The following BTAF1 variants were observed in gnomAD, a reference collection of about 807,000 sequenced individuals.
BTAF1 encodes the protein TATA-binding protein-associated factor 172.
BTAF1 carries 38 observed loss-of-function variants against 227.1 expected under a neutral mutation model. That is an observed-to-expected ratio of 0.17 (90% CI 0.13 to 0.22). The LOEUF (loss-of-function observed/expected upper bound fraction) is 0.22. Among genes scored for constraint, BTAF1 ranks in the 10% least tolerant of loss-of-function variants. The pLI, the probability that BTAF1 is intolerant of heterozygous loss-of-function variation, is 1.00. For synonymous variants in BTAF1, 742 were observed against 751.9 expected (o/e 0.99, Z 0.21); for missense variants, 1,598 against 2,204.0 (o/e 0.73, Z 5.51).
At chr10:91,989,626 A>C in intron 20 of BTAF1, 46 bp downstream of exon 20, 4 of 1,505,052 alleles carry the variant, frequency 2.7e-6, no homozygotes, top group Non-Finnish European at 3.6e-6. Context: ...AACCTTTTAA[A>C]TTTGTTTTTG....
chr10:91,937,746 A>G (rs1844733679), intron 2 of BTAF1, among the ~76,000 whole-genome samples: 1 of 152,156 alleles, frequency 6.6e-6, no homozygotes, highest in Non-Finnish European at 1.5e-5. Context: ...TGCTGCTATG[A>G]AAATTTGTGT....
intron 33 of BTAF1, 67 bp from the exon 34 acceptor site, chr10:92,018,716 A>G: frequency 1.5e-6 from 2 of 1,307,574 alleles, no homozygotes; most frequent in Non-Finnish European, 2.0e-6. Context: ...ATAGGGAAAG[A>G]TACAGAGATA....
At chr10:92,009,728 A>T (rs1850169305) in intron 28 of BTAF1, among the ~76,000 whole-genome samples, 1 of 152,194 alleles carries the variant, frequency 6.6e-6, no homozygotes, top group African/African-American at 2.4e-5. Context: ...CCACAGAAGT[A>T]CTTTTGTTCC....
At chr10:91,937,502 A>G (rs1268928599) in intron 2 of BTAF1, among the ~76,000 whole-genome samples, 1 of 152,104 alleles carries the variant, frequency 6.6e-6, no homozygotes, top group Non-Finnish European at 1.5e-5. Context: ...ACAACCACTA[A>G]ACTAACTTTA....
chr10:92,031,204 T>C lies in BTAF1; in HGVS notation c.*2271T>C, dbSNP rs887591390. On this transcript the variant is annotated 3_prime_UTR_variant, in exon 38 of 38. Transcript: ENST00000265990. ...TTATTAGTCTTATCATTTGGGTTTC[T>C]TGTAGGAAAATCTTAACATTTGGGG... 6.6e-6 allele frequency among the ~76,000 whole-genome samples: 1 copy of C among 152,224 alleles called. No homozygotes were observed. Among genetic ancestry groups the C allele is most frequent in the African/African-American group, 2.4e-5 (1 of 41,454 alleles).
intron 35 of BTAF1, 79 bp downstream of exon 35, chr10:92,025,046 A>T: frequency 7.8e-7 from 1 of 1,274,370 alleles, no homozygotes; most frequent in Non-Finnish European, 1.1e-6. Context: ...AAATATTTTC[A>T]TTGGCTAAAT....
chr10:91,932,071 G>A (rs1333840241), intron 1 of BTAF1, among the ~76,000 whole-genome samples: 2 of 152,100 alleles, frequency 1.3e-5, no homozygotes, highest in Non-Finnish European at 2.9e-5. Context: ...AAAAGGATCT[G>A]CAAAAAGGAG....
intron 14 of BTAF1, among the ~76,000 whole-genome samples, chr10:91,978,999 C>T (rs1006573300): frequency 1.3e-5 from 2 of 151,894 alleles, no homozygotes; most frequent in African/African-American, 4.8e-5. Flanking sequence ...CTCAAGTAGG[C>T]CCCAGTGTCT....
intron 23 of BTAF1, 134 bp from the exon 24 acceptor site, chr10:91,996,235 A>T: frequency 1.4e-6 from 1 of 693,058 alleles, no homozygotes; most frequent in Non-Finnish European, 2.4e-6. Context: ...TTTGGCAGTA[A>T]TGTTTTGAAG....
At chr10:91,982,307 T>C in intron 17 of BTAF1, 82 bp downstream of exon 17, 1 of 1,582,112 alleles carries the variant, frequency 6.3e-7, no homozygotes, top group Non-Finnish European at 8.7e-7. Flanking sequence ...AAGATTCCTC[T>C]GCTGTCTCCA....
chr10:92,027,840 C>T (rs1293833909), intron 37 of BTAF1, among the ~76,000 whole-genome samples: 1 of 151,954 alleles, frequency 6.6e-6, no homozygotes, highest in Admixed American at 6.6e-5. Flanking sequence ...ATTGTAAAAC[C>T]AATATAGTTG....
At chr10:91,975,956 A>G (rs559680533) in intron 14 of BTAF1, among the ~76,000 whole-genome samples, 6 of 152,188 alleles carry the variant, frequency 3.9e-5, no homozygotes, top group Non-Finnish European at 8.8e-5. Flanking sequence ...AATTCAGTTC[A>G]GTTCTGACAG....
At position 91,989,138 on chromosome 10, in the gene BTAF1, C is replaced by CT. The variant is rs200102417; in HGVS notation, c.2428-6dup. The CT allele has an allele frequency of 2.5e-3, 3,453 of 1,371,134 alleles. 2 individuals carry two copies. Among genetic ancestry groups the CT allele is most frequent in the African/African-American group, 3.3e-3 (223 of 67,490 alleles). The allele number at this position is 1,371,134 out of a possible 1,614,324, so 84.9% of individuals were successfully genotyped here. A position where few individuals can be genotyped will look rare whatever the true frequency, so the allele number is the denominator to read the frequency against. On this transcript the variant is annotated splice_polypyrimidine_tract_variant and intron_variant, in intron 19 of 37. Coordinates refer to ENST00000265990, the MANE Select transcript of BTAF1 (RefSeq NM_003972.3). ...TGATATGATTAATGATTTTTAATTT[C>CT]TTTTTTTTTTAATAGGTCACTACTG...
intron 5 of BTAF1, among the ~76,000 whole-genome samples, chr10:91,952,720 T>C (rs1235940133): frequency 1.3e-5 from 2 of 151,874 alleles, no homozygotes; most frequent in African/African-American, 4.8e-5. Flanking sequence ...GAAAGGCAGA[T>C]ACTAGGAGAG....
At chr10:91,982,500 T>TA in intron 17 of BTAF1, 87 bp from the exon 18 acceptor site, 1 of 1,451,304 alleles carries the variant, frequency 6.9e-7, no homozygotes, top group Non-Finnish European at 9.2e-7. Context: ...TTCAAGTAAT[T>TA]ATAGGAAATT....
chr10:91,950,059 T>C (rs964097602), intron 4 of BTAF1, among the ~76,000 whole-genome samples: 3 of 149,774 alleles, frequency 2.0e-5, no homozygotes, highest in African/African-American at 7.3e-5. Context: ...GGAGGACTCC[T>C]TAAGTCCAGG....
chr10:92,010,012 AGCACTTACTG>A (rs1850189014), intron 28 of BTAF1, among the ~76,000 whole-genome samples: 1 of 152,134 alleles, frequency 6.6e-6, no homozygotes, highest in Admixed American at 6.5e-5. Context: ...TTTTATCTTG[AGCACTTACTG>A]GCCAGGCACT....
At chr10:91,964,884 A>C (rs1308763868) in intron 13 of BTAF1, among the ~76,000 whole-genome samples, 1 of 152,250 alleles carries the variant, frequency 6.6e-6, no homozygotes, top group East Asian at 1.9e-4. Context: ...AGAGAAGAAA[A>C]AATTATTATG....
Position 91,984,302 on chromosome 10 carries a change from G to A in BTAF1, c.2325G>A (p.Gln775=). 1.9e-6 allele frequency: 3 copies of A among 1,613,804 alleles called. No homozygotes were observed. The highest frequency in any genetic ancestry group is 2.7e-5 in the African/African-American group (2 of 75,048). Residue 775 remains glutamine (Q), a synonymous_variant, in exon 19 of 38, where the codon CAG becomes CAA. Coordinates refer to ENST00000265990, the MANE Select transcript of BTAF1 (RefSeq NM_003972.3). ...DEIAVPFTRM[Q]NECKQLISSL... Reference sequence around the variant, plus strand: ...TTGCCGTTCCATTCACACGAATGCAGAATGAATGTAAACAACTTATATCAT... The same window carrying A: ...TTGCCGTTCCATTCACACGAATGCAAAATGAATGTAAACAACTTATATCAT...
Sources: allele counts gnomAD v4.1 joint callset (sites outside exome capture counted in the v4.1 genomes callset), GRCh38; gene constraint gnomAD v4.1.1; transcripts MANE v1.5; gene names NCBI Gene and HGNC (gene_info 2026-07-23, HGNC 2026-07-21).